The following NXPE2 variants were observed in gnomAD, a reference collection of about 807,000 sequenced individuals.
NXPE2 encodes NXPE family member 2.
In NXPE2, 34 loss-of-function variants were observed where a neutral mutation model predicts 34.4. The observed-to-expected ratio is 0.99, with a 90% CI of 0.75 to 1.31. NXPE2 has a LOEUF of 1.31. NXPE2 is among the 40% of genes most tolerant of loss of function. NXPE2 has a pLI of 0.00. For missense variants in NXPE2, 649 were observed against 672.5 expected (o/e 0.97, Z 0.39); for synonymous variants, 235 against 231.3 (o/e 1.02, Z -0.15).
At chr11:114,631,672 T>TA in the NXPE2 span, among the ~76,000 whole-genome samples, 2 of 150,592 alleles carry the variant, frequency 1.3e-5, no homozygotes, top group African/African-American at 4.8e-5. Context: ...TTAAAGTATA[T>TA]ATATAAAAAA....
the NXPE2 span, among the ~76,000 whole-genome samples, chr11:114,620,159 T>G: frequency 6.6e-6 from 1 of 152,074 alleles, no homozygotes; most frequent in East Asian, 1.9e-4. Context: ...TGGTAGATGA[T>G]AAATATTGCC....
chr11:114,787,092 A>T, the NXPE2 span, among the ~76,000 whole-genome samples: 1 of 151,582 alleles, frequency 6.6e-6, no homozygotes, highest in Non-Finnish European at 1.5e-5. Flanking sequence ...CTCAGCAATC[A>T]CTCCAACCTC....
At chr11:114,614,840 C>A in the NXPE2 span, among the ~76,000 whole-genome samples, 1 of 146,890 alleles carries the variant, frequency 6.8e-6, no homozygotes, top group South Asian at 2.2e-4. Flanking sequence ...TGGTGGATAA[C>A]AAGTGTTGCC....
chr11:114,735,610 G>A, the NXPE2 span, among the ~76,000 whole-genome samples: 32 of 152,252 alleles, frequency 2.1e-4, no homozygotes, highest in East Asian at 2.9e-3. Flanking sequence ...AGGTGGTATC[G>A]TCAGATATTA....
At chr11:114,547,014 CAGA>C in the NXPE2 span, among the ~76,000 whole-genome samples, 13 of 152,110 alleles carry the variant, frequency 8.5e-5, no homozygotes, top group Non-Finnish European at 1.8e-4. Flanking sequence ...ATCTCTTGTA[CAGA>C]AGAATTCCAG....
At chr11:114,524,971 T>C in the NXPE2 span, among the ~76,000 whole-genome samples, 1 of 152,158 alleles carries the variant, frequency 6.6e-6, no homozygotes, top group Non-Finnish European at 1.5e-5. Context: ...CTAGTGTTTC[T>C]TGTATAACAG....
At chr11:114,799,806 G>A in the NXPE2 span, among the ~76,000 whole-genome samples, 3 of 152,264 alleles carry the variant, frequency 2.0e-5, no homozygotes, top group East Asian at 5.8e-4. Flanking sequence ...GGAATGACAA[G>A]CCTAGAGAGT....
chr11:114,737,975 T>G, the NXPE2 span, among the ~76,000 whole-genome samples: 1 of 152,126 alleles, frequency 6.6e-6, no homozygotes. Flanking sequence ...TATTCCCGGC[T>G]ACTCAGGAGG....
chr11:114,689,876 G>T (rs1951118176), intron 2 of NXPE2, among the ~76,000 whole-genome samples: 1 of 151,842 alleles, frequency 6.6e-6, no homozygotes. Context: ...AAATTTTTTG[G>T]TTTAAAGTCT....
the NXPE2 span, among the ~76,000 whole-genome samples, chr11:114,535,499 A>T: frequency 6.6e-6 from 1 of 152,222 alleles, no homozygotes; most frequent in Non-Finnish European, 1.5e-5. Context: ...AATTGGATAA[A>T]GAGTCAAGAC....
the NXPE2 span, among the ~76,000 whole-genome samples, chr11:114,806,026 T>A: frequency 1.6e-4 from 24 of 152,254 alleles, no homozygotes; most frequent in East Asian, 4.6e-3. Context: ...GCAGCAGCAT[T>A]TGCAGTTCAC....
At chr11:114,482,223 C>G in the NXPE2 span, among the ~76,000 whole-genome samples, 1 of 152,112 alleles carries the variant, frequency 6.6e-6, no homozygotes, top group Non-Finnish European at 1.5e-5. Context: ...AATCCAAATA[C>G]AAAACACAGC....
chr11:114,758,735 A>G, the NXPE2 span, among the ~76,000 whole-genome samples: 1 of 151,374 alleles, frequency 6.6e-6, no homozygotes, highest in South Asian at 2.1e-4. Flanking sequence ...GTACATAATC[A>G]TATAGTTTAG....
At chr11:114,727,300 G>T in the NXPE2 span, among the ~76,000 whole-genome samples, 7 of 151,984 alleles carry the variant, frequency 4.6e-5, no homozygotes, top group Admixed American at 4.6e-4. Context: ...ATTACAGGTG[G>T]CTGACCTCTC....
the NXPE2 span, chr11:114,523,150 T>G: frequency 8.3e-7 from 1 of 1,207,332 alleles, no homozygotes; most frequent in East Asian, 2.4e-5. Flanking sequence ...TCTAGCCTTC[T>G]TTCCTGGTCT....
the NXPE2 span, among the ~76,000 whole-genome samples, chr11:114,672,634 G>T: frequency 6.6e-6 from 1 of 151,700 alleles, no homozygotes; most frequent in East Asian, 1.9e-4. Context: ...TGGAAAAAAG[G>T]TATCATTCAA....
chr11:114,615,872 C>A, the NXPE2 span, among the ~76,000 whole-genome samples: 5 of 151,694 alleles, frequency 3.3e-5, no homozygotes, highest in African/African-American at 1.2e-4. Flanking sequence ...AGCACTGTGA[C>A]CTGGTCAATA....
chr11:114,733,959 T>C, the NXPE2 span, among the ~76,000 whole-genome samples: 1 of 152,234 alleles, frequency 6.6e-6, no homozygotes. Context: ...TTACAGGTCT[T>C]TTATGAATTT....
the NXPE2 span, among the ~76,000 whole-genome samples, chr11:114,620,255 C>T: frequency 1.1e-4 from 16 of 152,088 alleles, no homozygotes; most frequent in Non-Finnish European, 1.8e-4. Flanking sequence ...ATTATTGCCT[C>T]GTGGGTAACT....
Sources: gnomAD v4.1 joint callset for allele counts (sites outside exome capture counted in the v4.1 genomes callset) on GRCh38, gnomAD v4.1.1 for gene constraint, MANE v1.5 for transcripts, NCBI Gene and HGNC (gene_info 2026-07-23, HGNC 2026-07-21) for gene names.